ATP6V0E1: variants seen among roughly 807,000 people sequenced by gnomAD.
ATP6V0E1 encodes ATPase H+ transporting V0 subunit e1, also known as V-type proton ATPase subunit e 1.
A neutral mutation model predicts 11.6 loss-of-function variants in ATP6V0E1; 4 were observed. The ratio of observed to expected loss-of-function variants is 0.35; its 90% CI spans 0.17 to 0.79. The LOEUF is 0.79. Ranked by LOEUF, ATP6V0E1 falls within the 30% of genes least tolerant of loss-of-function variation. ATP6V0E1 has a pLI of 0.54. For synonymous variants in ATP6V0E1, 36 were observed against 34.8 expected (o/e 1.04, Z -0.13); for missense variants, 105 against 100.0 (o/e 1.05, Z -0.21).
intron 2 of ATP6V0E1, among the ~76,000 whole-genome samples, chr5:173,002,661 T>C (rs1425882804): frequency 6.6e-6 from 1 of 152,242 alleles, no homozygotes; most frequent in Non-Finnish European, 1.5e-5. Context: ...ATTCTGTTTC[T>C]GTAATTTCTT....
intron 2 of ATP6V0E1, among the ~76,000 whole-genome samples, chr5:173,018,190 A>G (rs1756431713): frequency 6.6e-6 from 1 of 152,240 alleles, no homozygotes; most frequent in African/African-American, 2.4e-5. Context: ...CAATTAACAC[A>G]TAATTTGTAT....
At chr5:172,996,164 G>T (rs1756062494) in intron 2 of ATP6V0E1, among the ~76,000 whole-genome samples, 1 of 152,030 alleles carries the variant, frequency 6.6e-6, no homozygotes, top group Non-Finnish European at 1.5e-5. Flanking sequence ...AATAAAAGAG[G>T]ACCATAACAA....
intron 3 of ATP6V0E1, 118 bp from the exon 4 acceptor site, chr5:173,034,281 A>G: frequency 3.0e-6 from 2 of 676,678 alleles, no homozygotes; most frequent in East Asian, 2.7e-5. Context: ...TGTGTTTCAT[A>G]TTTTGTTGAG....
intron 3 of ATP6V0E1, among the ~76,000 whole-genome samples, chr5:173,026,487 A>G (rs897582857): frequency 6.6e-6 from 1 of 152,178 alleles, no homozygotes; most frequent in African/African-American, 2.4e-5. Flanking sequence ...TCACTGTTTC[A>G]TATTTTGTAA....
At chr5:173,009,232 CAAATT>C (rs1413461798) in intron 2 of ATP6V0E1, among the ~76,000 whole-genome samples, 1 of 151,578 alleles carries the variant, frequency 6.6e-6, no homozygotes, top group Non-Finnish European at 1.5e-5. Context: ...TCAAAAAATA[CAAATT>C]AAAAAAATAA....
chr5:173,023,157 G>A (rs899586576), intron 3 of ATP6V0E1, among the ~76,000 whole-genome samples: 4 of 151,548 alleles, frequency 2.6e-5, no homozygotes, highest in African/African-American at 2.4e-5. Context: ...GTGCCTGGCC[G>A]CAAATGATGA....
intron 3 of ATP6V0E1, among the ~76,000 whole-genome samples, chr5:173,023,918 C>T (rs1756519087): frequency 6.6e-6 from 1 of 151,954 alleles, no homozygotes; most frequent in African/African-American, 2.4e-5. Flanking sequence ...GATCATGGGG[C>T]CGGGCACGGT....
At chr5:173,030,986 C>T (rs1756642016) in intron 3 of ATP6V0E1, among the ~76,000 whole-genome samples, 1 of 150,870 alleles carries the variant, frequency 6.6e-6, no homozygotes, top group African/African-American at 2.4e-5. Flanking sequence ...GCTCTGTCGC[C>T]CAGACTGGAG....
At chr5:173,004,739 G>A (rs938846389) in intron 2 of ATP6V0E1, among the ~76,000 whole-genome samples, 1 of 152,164 alleles carries the variant, frequency 6.6e-6, no homozygotes, top group Non-Finnish European at 1.5e-5. Context: ...GGACCTGAAG[G>A]CTTTCCACAA....
chr5:173,030,236 ACTCCT>A (rs1456363950), intron 3 of ATP6V0E1, among the ~76,000 whole-genome samples: 1 of 152,136 alleles, frequency 6.6e-6, no homozygotes, highest in African/African-American at 2.4e-5. Context: ...TACATGCTTA[ACTCCT>A]TGTATTTAAT....
intron 3 of ATP6V0E1, among the ~76,000 whole-genome samples, chr5:173,031,822 CAAAAA>C (rs34167312): frequency 8.4e-6 from 1 of 119,460 alleles, no homozygotes. Context: ...GACTCTGCCT[CAAAAA>C]AAAAAAAAAA....
chr5:173,025,797 A>G (rs1581636605), intron 3 of ATP6V0E1, among the ~76,000 whole-genome samples: 1 of 151,416 alleles, frequency 6.6e-6, no homozygotes, highest in African/African-American at 2.4e-5. Flanking sequence ...CATGCCCGGC[A>G]AAATACTTTC....
chr5:173,020,542 C>G (rs544525240), intron 3 of ATP6V0E1, 175 bp downstream of exon 3: 7 of 573,248 alleles, frequency 1.2e-5, no homozygotes, highest in African/African-American at 9.4e-5. Flanking sequence ...ACCTAAATCT[C>G]ATTAAGATTC....
intron 2 of ATP6V0E1, among the ~76,000 whole-genome samples, chr5:173,013,469 G>C (rs903515987): frequency 2.7e-5 from 4 of 146,028 alleles, no homozygotes; most frequent in Admixed American, 2.1e-4. Flanking sequence ...CAGCTACTCC[G>C]GAGGCTGAGG....
intron 2 of ATP6V0E1, among the ~76,000 whole-genome samples, chr5:172,998,426 G>A (rs531353707): frequency 1.3e-5 from 2 of 152,012 alleles, no homozygotes; most frequent in Admixed American, 6.6e-5. Flanking sequence ...AGCCAACATG[G>A]TGAAACCCCA....
chr5:173,013,070 C>T (rs372638588), intron 2 of ATP6V0E1, among the ~76,000 whole-genome samples: 40 of 152,010 alleles, frequency 2.6e-4, no homozygotes, highest in African/African-American at 9.2e-4. Flanking sequence ...GCTACTCAGG[C>T]GGCTGAGGTA....
chr5:173,009,765 C>CTT lies in ATP6V0E1; in HGVS notation c.153-10457_153-10456dup, dbSNP rs1169432985. ...AGGCGTGAGCCACTGCGCCTGGCCT[C>CTT]TTTTTTTTTTTTTTTTTAGATGGAG... On this transcript the variant is annotated intron_variant, in intron 2 of 3. Transcript: ENST00000519374. 7.9e-3 allele frequency among the ~76,000 whole-genome samples: 921 copies of CTT among 117,216 alleles called. 13 individuals are homozygous for CTT. The highest frequency in any genetic ancestry group is 0.041 in the East Asian group (166 of 4,008). 76.9% of individuals were successfully genotyped at this position (117,216 alleles called of 152,430 possible).
chr5:173,002,633 T>C (rs1368184592), intron 2 of ATP6V0E1, among the ~76,000 whole-genome samples: 2 of 152,238 alleles, frequency 1.3e-5, no homozygotes, highest in African/African-American at 4.8e-5. Flanking sequence ...CTTTGTATTA[T>C]TGGCCATCAT....
In ATP6V0E1 at chr5:172,998,066, C is replaced by T. The variant is rs186499908; in HGVS notation, c.152+3244C>T. Among the ~76,000 whole-genome samples, 564 of 151,380 alleles carry T rather than the reference C, an allele frequency of 3.7e-3. 2 individuals are homozygous for T. Among genetic ancestry groups the T allele is most frequent in the African/African-American group, 0.013 (539 of 41,174 alleles). ...TCAAGGCTACAGTGAGCTGTCATTG[C>T]GGCAGTGCATTCCAGCCTGGGGGTC... is the stretch of plus-strand genomic sequence containing the variant. On this transcript the variant is annotated intron_variant, in intron 2 of 3. Coordinates refer to ENST00000519374, the MANE Select transcript of ATP6V0E1 (RefSeq NM_003945.4).
Sources: allele counts gnomAD v4.1 joint callset (sites outside exome capture counted in the v4.1 genomes callset), GRCh38; gene constraint gnomAD v4.1.1; transcripts MANE v1.5; gene names NCBI Gene and HGNC (gene_info 2026-07-23, HGNC 2026-07-21).